OSBPL2: variants seen among roughly 807,000 people sequenced by gnomAD.
The protein encoded by OSBPL2 is oxysterol-binding protein-related protein 2.
A neutral mutation model predicts 58.4 loss-of-function variants in OSBPL2; 18 were observed. The observed-to-expected ratio is 0.31, with a 90% confidence interval of 0.21 to 0.46. OSBPL2 has a LOEUF of 0.46. OSBPL2 is among the 20% of genes least tolerant of loss of function. The pLI is 1.00. For missense variants in OSBPL2, 461 were observed against 616.5 expected, an observed-to-expected ratio of 0.75 and a Z score of 2.67; for synonymous variants, 221 against 234.1, an observed-to-expected ratio of 0.94 and a Z score of 0.51.
chr20:62,275,001 T>G (rs1162043680), intron 6 of OSBPL2, among the ~76,000 whole-genome samples: 1 of 152,238 alleles, frequency 6.6e-6, no homozygotes, highest in East Asian at 1.9e-4. Context: ...GTGCTCTTTA[T>G]AGAAAATGTG....
intron 1 of OSBPL2, among the ~76,000 whole-genome samples, chr20:62,244,935 C>T (rs1461073001): frequency 6.6e-6 from 1 of 152,250 alleles, no homozygotes; most frequent in Non-Finnish European, 1.5e-5. Flanking sequence ...ACCTGCCTTT[C>T]TCAGTGTAGA....
At chr20:62,289,176 T>C in intron 11 of OSBPL2, 31 bp from the exon 12 acceptor site, 1 of 1,612,280 alleles carries the variant, frequency 6.2e-7, no homozygotes, top group Non-Finnish European at 8.5e-7. Context: ...GAGGCCCTGC[T>C]GAGGTCGTGT....
chr20:62,261,695 C>T (rs1412600990), intron 3 of OSBPL2, among the ~76,000 whole-genome samples: 1 of 152,242 alleles, frequency 6.6e-6, no homozygotes, highest in Non-Finnish European at 1.5e-5. Flanking sequence ...TACCCAACCA[C>T]CCTTGTTTCC....
At chr20:62,258,634 G>A (rs1030414433) in intron 2 of OSBPL2, among the ~76,000 whole-genome samples, 3 of 152,186 alleles carry the variant, frequency 2.0e-5, no homozygotes, top group East Asian at 1.9e-4. Flanking sequence ...TCCGAGTAGC[G>A]TTGGCTGAGT....
At chr20:62,279,887 C>G (rs925945504) in intron 7 of OSBPL2, 5 of 1,200,728 alleles carry the variant, frequency 4.2e-6, no homozygotes, top group Middle Eastern at 3.2e-4. Flanking sequence ...CACACTCCCC[C>G]ACCCTGTGCT....
At chr20:62,266,645 CTCTT>C (rs1981683671) in intron 4 of OSBPL2, among the ~76,000 whole-genome samples, 1 of 152,160 alleles carries the variant, frequency 6.6e-6, no homozygotes, top group Non-Finnish European at 1.5e-5. Context: ...CGGGCTGTGG[CTCTT>C]TCTGTTTGGT....
intron 1 of OSBPL2, among the ~76,000 whole-genome samples, chr20:62,253,470 C>T (rs1422653366): frequency 1.3e-5 from 2 of 152,220 alleles, no homozygotes; most frequent in Non-Finnish European, 2.9e-5. Context: ...GTGGGAGCTT[C>T]TGTAGGTTCA....
At chr20:62,245,916 T>C (rs1208148757) in intron 1 of OSBPL2, among the ~76,000 whole-genome samples, 1 of 152,248 alleles carries the variant, frequency 6.6e-6, no homozygotes, top group Non-Finnish European at 1.5e-5. Flanking sequence ...TCCTCGACAA[T>C]TGGCAGAAGG....
At chr20:62,283,369 C>T (rs1026379201) in intron 9 of OSBPL2, among the ~76,000 whole-genome samples, 6 of 152,324 alleles carry the variant, frequency 3.9e-5, no homozygotes, top group Admixed American at 3.3e-4. Context: ...GGTCCCGAGT[C>T]TGTCAGAGTT....
intron 1 of OSBPL2, among the ~76,000 whole-genome samples, chr20:62,249,577 TTTTA>T (rs1363515033): frequency 4.6e-5 from 7 of 152,236 alleles, no homozygotes; most frequent in Non-Finnish European, 5.9e-5. Context: ...CTTTTTAAAT[TTTTA>T]TTTATTTGTT....
chr20:62,266,021 C>G (rs1981636935), intron 4 of OSBPL2, among the ~76,000 whole-genome samples: 1 of 152,138 alleles, frequency 6.6e-6, no homozygotes, highest in South Asian at 2.1e-4. Flanking sequence ...ACTGGGGAGG[C>G]TGAGACAGGA....
chr20:62,284,403 G>A, intron 10 of OSBPL2: 2 of 490,400 alleles, frequency 4.1e-6, no homozygotes. Context: ...TCCAGGCAGG[G>A]TCTCCCTCTG....
At chr20:62,268,443 T>C (rs1304193201) in intron 4 of OSBPL2, among the ~76,000 whole-genome samples, 4 of 152,076 alleles carry the variant, frequency 2.6e-5, no homozygotes, top group Non-Finnish European at 5.9e-5. Flanking sequence ...AGGAGCCAAG[T>C]TTAGGGCATG....
intron 12 of OSBPL2, among the ~76,000 whole-genome samples, chr20:62,290,499 C>G (rs1414177913): frequency 7.1e-6 from 1 of 141,012 alleles, no homozygotes; most frequent in African/African-American, 2.7e-5. Flanking sequence ...TCACTGCAAG[C>G]TCCGCCTTCT....
At chr20:62,275,200 T>C (rs975304590) in intron 6 of OSBPL2, among the ~76,000 whole-genome samples, 2 of 152,174 alleles carry the variant, frequency 1.3e-5, no homozygotes, top group African/African-American at 4.8e-5. Context: ...CCGTGTCTCT[T>C]TAAAAAAAAT....
chr20:62,293,680 C>A, intron 13 of OSBPL2, 105 bp from the exon 14 acceptor site: 1 of 938,086 alleles, frequency 1.1e-6, no homozygotes, highest in Non-Finnish European at 1.6e-6. Context: ...ACCCACGTTA[C>A]CGTGATGGTG....
At chr20:62,261,551 C>T (rs751586124) in intron 3 of OSBPL2, among the ~76,000 whole-genome samples, 1 of 152,108 alleles carries the variant, frequency 6.6e-6, no homozygotes, top group South Asian at 2.1e-4. Flanking sequence ...GTTGTTTGTT[C>T]GTTCTCTCAC....
intron 6 of OSBPL2, among the ~76,000 whole-genome samples, chr20:62,275,321 A>G (rs1453609743): frequency 6.6e-6 from 1 of 152,042 alleles, no homozygotes; most frequent in Non-Finnish European, 1.5e-5. Context: ...GACATTAAAA[A>G]CTTTTTCTAA....
intron 4 of OSBPL2, among the ~76,000 whole-genome samples, chr20:62,268,286 T>C (rs1375831665): frequency 3.3e-5 from 5 of 152,186 alleles, no homozygotes; most frequent in Non-Finnish European, 7.3e-5. Context: ...GTTTCATTTT[T>C]GATATTGAGA....
Sources: allele counts gnomAD v4.1 joint callset (sites outside exome capture counted in the v4.1 genomes callset), GRCh38; gene constraint gnomAD v4.1.1; transcripts MANE v1.5; gene names NCBI Gene and HGNC (gene_info 2026-07-23, HGNC 2026-07-21).